The following CHN2 variants were observed in gnomAD, a reference collection of about 807,000 sequenced individuals.
The protein encoded by CHN2 is chimerin 2, also known as beta-chimaerin.
Under a neutral mutation model 56.3 loss-of-function variants are expected in CHN2, and 35 were observed. The ratio of observed to expected loss-of-function variants is 0.62; its 90% CI spans 0.47 to 0.82. CHN2 has a LOEUF of 0.82. Ranked by LOEUF, CHN2 falls within the 40% of genes least tolerant of loss-of-function variation. The probability of loss-of-function intolerance (pLI) is 0.00; values close to 1 mark genes in which losing one functional copy is unlikely to be tolerated. For missense variants in CHN2, 491 were observed against 580.5 expected, an observed-to-expected ratio of 0.85 and a Z score of 1.58; for synonymous variants, 210 against 212.8, an observed-to-expected ratio of 0.99 and a Z score of 0.12.
rs1584751920 is a variant in CHN2 at position 29,212,279 on chromosome 7, C to T, written c.49+17289C>T. 11 of 1,038,446 alleles carry T rather than the reference C, an allele frequency of 1.1e-5. No individual in the cohort carries two copies. In the East Asian group the frequency reaches 2.1e-4, roughly 20 times the overall value. 64.3% of individuals were successfully genotyped at this position (1,038,446 alleles called of 1,614,324 possible). A position where few individuals can be genotyped will look rare whatever the true frequency, so the allele number is the denominator to read the frequency against. ...TTCCAGTCCACCTCTTAAATTTTTT[C>T]CCCCTCTTCCTCAATACTAACATGA... On this transcript the variant is annotated intron_variant, in intron 1 of 12. Transcript: ENST00000222792.
chr7:29,371,036 G>A (rs1799567487), intron 3 of CHN2, among the ~76,000 whole-genome samples: 1 of 152,158 alleles, frequency 6.6e-6, no homozygotes. Context: ...TACTTTGCAG[G>A]GTTGCTATAA....
At chr7:29,400,456 A>G (rs1802111788) in intron 5 of CHN2, 87 bp from the exon 6 acceptor site, 1 of 1,338,146 alleles carries the variant, frequency 7.5e-7, no homozygotes, top group African/African-American at 1.5e-5. Context: ...TACACTAAGT[A>G]TTCAAAAAAC....
chr7:29,196,627 C>T (rs79169313), intron 1 of CHN2, among the ~76,000 whole-genome samples: 5 of 152,220 alleles, frequency 3.3e-5, no homozygotes, highest in East Asian at 1.9e-4. Context: ...AAAGAAAAGA[C>T]GAAAGGAGAA....
At chr7:29,427,505 C>T (rs556089910) in intron 6 of CHN2, among the ~76,000 whole-genome samples, 1 of 152,152 alleles carries the variant, frequency 6.6e-6, no homozygotes, top group South Asian at 2.1e-4. Context: ...TTCTGCCTAC[C>T]ACATCCTCTG....
intron 1 of CHN2, among the ~76,000 whole-genome samples, chr7:29,270,434 AT>A (rs11349658): frequency 0.53 from 78,431 of 149,014 alleles, 21,362 homozygotes; most frequent in East Asian, 0.95. Context: ...TGGGTGGATC[AT>A]TTTGAGGCCA....
intron 2 of CHN2, among the ~76,000 whole-genome samples, chr7:29,360,198 A>G (rs990479072): frequency 3.3e-5 from 5 of 152,212 alleles, no homozygotes; most frequent in Admixed American, 6.5e-5. Context: ...TCACAGTGCC[A>G]TTAGACAAGA....
intron 6 of CHN2, among the ~76,000 whole-genome samples, chr7:29,437,355 TTGGGAGG>T (rs1783304790): frequency 1.2e-5 from 1 of 84,800 alleles, no homozygotes; most frequent in African/African-American, 7.4e-5. Context: ...TCCCAGCACT[TTGGGAGG>T]CCGAGGCGGG....
intron 3 of CHN2, among the ~76,000 whole-genome samples, chr7:29,379,245 G>T (rs1347637934): frequency 2.0e-5 from 3 of 152,138 alleles, no homozygotes; most frequent in Non-Finnish European, 4.4e-5. Flanking sequence ...TCTTTCTGAT[G>T]GTCACTTTCT....
intron 1 of CHN2, among the ~76,000 whole-genome samples, chr7:29,284,630 C>A (rs1562889623): frequency 6.6e-6 from 1 of 152,186 alleles, no homozygotes; most frequent in African/African-American, 2.4e-5. Context: ...ATTCTGCTAA[C>A]AACCACATGA....
intron 6 of CHN2, among the ~76,000 whole-genome samples, chr7:29,453,861 C>G (rs1784567964): frequency 1.3e-5 from 2 of 152,196 alleles, no homozygotes; most frequent in Non-Finnish European, 2.9e-5. Context: ...CTCTAGTCAG[C>G]TTTGTACCTG....
intron 2 of CHN2, among the ~76,000 whole-genome samples, chr7:29,158,603 A>G (rs1219961037): frequency 6.6e-6 from 1 of 152,196 alleles, no homozygotes; most frequent in African/African-American, 2.4e-5. Context: ...CTGTTTTCAC[A>G]TGTGTAGAGC....
chr7:29,429,582 G>GAC (rs758603430), intron 6 of CHN2, among the ~76,000 whole-genome samples: 2 of 122,136 alleles, frequency 1.6e-5, no homozygotes, highest in East Asian at 2.6e-4. Context: ...CACACACACA[G>GAC]ACACACACAC....
At chr7:29,391,984 CTT>C (rs1801404803) in intron 3 of CHN2, among the ~76,000 whole-genome samples, 1 of 152,178 alleles carries the variant, frequency 6.6e-6, no homozygotes, top group South Asian at 2.1e-4. Context: ...AACTCTTTCT[CTT>C]TTAGGGAAAT....
At chr7:29,467,734 T>G (rs1785654877) in intron 6 of CHN2, among the ~76,000 whole-genome samples, 1 of 152,186 alleles carries the variant, frequency 6.6e-6, no homozygotes, top group Admixed American at 6.5e-5. Flanking sequence ...TTATTAGCTG[T>G]GCAAGCTTGC....
chr7:29,317,117 C>T (rs17686943), intron 1 of CHN2, among the ~76,000 whole-genome samples: 36,634 of 152,016 alleles, frequency 0.24, 5,426 homozygotes, highest in East Asian at 0.35. Context: ...GACTGCTACA[C>T]AGATAATGAG....
chr7:29,442,973 G>A (rs919625134), intron 6 of CHN2, among the ~76,000 whole-genome samples: 2 of 99,966 alleles, frequency 2.0e-5, no homozygotes, highest in South Asian at 3.4e-4. Context: ...TCGCTCTGTC[G>A]CCCAGGCCAG....
At chr7:29,296,639 G>A (rs935131162) in intron 1 of CHN2, among the ~76,000 whole-genome samples, 2 of 152,152 alleles carry the variant, frequency 1.3e-5, no homozygotes, top group African/African-American at 4.8e-5. Flanking sequence ...GGCCTTGAAG[G>A]TATTTGCATG....
chr7:29,313,617 T>G (rs938611449), intron 1 of CHN2, among the ~76,000 whole-genome samples: 1 of 152,182 alleles, frequency 6.6e-6, no homozygotes, highest in African/African-American at 2.4e-5. Context: ...ATACAGTATT[T>G]GACCAACCCT....
intron 7 of CHN2, among the ~76,000 whole-genome samples, chr7:29,483,371 G>T (rs1243631244): frequency 6.6e-6 from 1 of 152,144 alleles, no homozygotes; most frequent in Non-Finnish European, 1.5e-5. Context: ...AACAAAGCTT[G>T]TCTAAGCAAA....
Sources: gnomAD v4.1 joint callset for allele counts (sites outside exome capture counted in the v4.1 genomes callset) on GRCh38, gnomAD v4.1.1 for gene constraint, MANE v1.5 for transcripts, NCBI Gene and HGNC (gene_info 2026-07-23, HGNC 2026-07-21) for gene names.